Variants in CFAP36 observed in about 807,000 individuals in gnomAD.
The protein encoded by CFAP36 is cilia- and flagella-associated protein 36.
Under a neutral mutation model 50.5 loss-of-function variants are expected in CFAP36, and 37 were observed. The ratio of observed to expected loss-of-function variants is 0.73; its 90% CI spans 0.56 to 0.96. The LOEUF (loss-of-function observed/expected upper bound fraction) is 0.96, where lower values mean the gene tolerates loss of function less well. CFAP36 is among the 50% of genes least tolerant of loss of function. The pLI is 0.00. For missense variants in CFAP36, 407 were observed against 396.2 expected (o/e 1.03, Z -0.23); for synonymous variants, 138 against 128.2 (o/e 1.08, Z -0.52).
Position 55,533,877 on chromosome 2 carries a change from A to G in CFAP36, c.402A>G (p.Val134=), listed in dbSNP as rs1298071607. ...AIRIIQERNG[V]LPDCLTDGSD... ...GTGGTCTTTGGTTTTGAACAGGTGT[A>G]TTACCTGACTGCTTAACCGATGGCT... The change falls in exon 5 of 10, where the codon GTA becomes GTG. Residue 134 remains valine (V), a synonymous_variant. Transcript: ENST00000349456. 3 of 1,605,914 alleles carry G rather than the reference A, an allele frequency of 1.9e-6. No homozygotes were observed. The highest frequency in any genetic ancestry group is 1.1e-5 in the South Asian group (1 of 89,892).
intron 4 of CFAP36, among the ~76,000 whole-genome samples, chr2:55,531,585 T>C (rs1254934967): frequency 1.3e-5 from 2 of 152,232 alleles, no homozygotes. Flanking sequence ...TACTCTGCCA[T>C]TCTCAGAATC....
chr2:55,540,022 AT>A (rs1684592398), intron 7 of CFAP36, among the ~76,000 whole-genome samples: 1 of 152,134 alleles, frequency 6.6e-6, no homozygotes, highest in African/African-American at 2.4e-5. Context: ...TTCTTTGTAT[AT>A]TTTGAATAAC....
At chr2:55,521,201 CTTTT>C (rs11315249) in intron 1 of CFAP36, among the ~76,000 whole-genome samples, 3 of 134,166 alleles carry the variant, frequency 2.2e-5, no homozygotes, top group Non-Finnish European at 3.2e-5. Flanking sequence ...ATTTGTACTC[CTTTT>C]TTTTTTTTTT....
chr2:55,531,474 A>G (rs1684348111), intron 4 of CFAP36, among the ~76,000 whole-genome samples: 1 of 152,218 alleles, frequency 6.6e-6, no homozygotes, highest in Admixed American at 6.5e-5. Context: ...ATCTCCCAGA[A>G]CAAGAAGTCC....
At chr2:55,520,519 G>A in intron 1 of CFAP36, 1 of 1,484,412 alleles carries the variant, frequency 6.7e-7, no homozygotes, top group Non-Finnish European at 9.1e-7. Context: ...AATTGGCGAG[G>A]TGGGGCAGGA....
At chr2:55,523,912 A>T in intron 3 of CFAP36, 90 bp downstream of exon 3, 2 of 797,276 alleles carry the variant, frequency 2.5e-6, no homozygotes, top group Non-Finnish European at 3.9e-6. Context: ...TGATTGACAA[A>T]GTGTAATATT....
In CFAP36 at chr2:55,535,717, C is replaced by A; in HGVS notation, c.491C>A (p.Ser164Ter). ...MKILREVLRK[S>*]KEEYDQEEER... ...CTTATTTTTGTATATTTCAGAAAAT[C>A]AAAAGAGGAATATGACCAGGAAGAA... The change falls in exon 6 of 10, where the codon TCA (serine) becomes TAA (stop). Residue 164 changes from serine (S) to a stop codon, truncating the protein, a stop_gained. Transcript: ENST00000349456. LOFTEE classifies it high-confidence loss of function. The A allele has an allele frequency of 6.5e-7, 1 of 1,531,270 alleles. No homozygotes were observed. The highest frequency in any genetic ancestry group is 2.4e-5 in the East Asian group (1 of 40,916). 94.9% of individuals were successfully genotyped at this position (1,531,270 alleles called of 1,614,324 possible). A position where few individuals can be genotyped will look rare whatever the true frequency, so the allele number is the denominator to read the frequency against.
At chr2:55,544,406 T>C (rs369833243) in intron 9 of CFAP36, 37 bp downstream of exon 9, 13 of 1,571,740 alleles carry the variant, frequency 8.3e-6, no homozygotes, top group Non-Finnish European at 1.0e-5. Flanking sequence ...TTTACAAATC[T>C]GGTGGTGGAA....
At chr2:55,535,248 A>G (rs1158798331) in intron 5 of CFAP36, among the ~76,000 whole-genome samples, 1 of 152,224 alleles carries the variant, frequency 6.6e-6, no homozygotes, top group Non-Finnish European at 1.5e-5. Flanking sequence ...AGTTTACAAA[A>G]GTTGATGGGC....
In CFAP36 at chr2:55,536,382, C is replaced by T. The variant is rs532224945; in HGVS notation, c.537+619C>T. On this transcript the variant is annotated intron_variant, in intron 6 of 9. Coordinates refer to ENST00000349456, the MANE Select transcript of CFAP36 (RefSeq NM_080667.7). ...TCCTGACCTCGTGATCTGCCCGCCTCGGCCTCCCAAAGTGCTGGGATTACA... is the reference window on the plus strand; with the variant it reads ...TCCTGACCTCGTGATCTGCCCGCCTTGGCCTCCCAAAGTGCTGGGATTACA... 4.6e-5 allele frequency among the ~76,000 whole-genome samples: 7 copies of T among 152,106 alleles called. 1 individual carries two copies. The South Asian group carries it at 6.2e-4, about 14-fold the overall frequency.
rs1394411480 is a variant in CFAP36, at chr2:55,543,951, T to C, written c.654T>C (p.His218=). 6.2e-7 allele frequency: 1 copy of C among 1,612,046 alleles called. No individual in the cohort carries two copies. Among genetic ancestry groups the C allele is most frequent in the Non-Finnish European group, 8.5e-7 (1 of 1,179,210 alleles). Residue 218 remains histidine, a synonymous_variant, in exon 8 of 10, where the codon CAT becomes CAC. Transcript: ENST00000349456. The part of the protein sequence containing the change: ...FAHPPSEVKM[H]FANQSIEPLG... ...ACTTATTGCCAGAAGTTAAAATGCA[T>C]TTTGCTAATCAGTCAATAGAACCTT...
At chr2:55,535,228 C>G (rs1301262225) in intron 5 of CFAP36, among the ~76,000 whole-genome samples, 1 of 152,214 alleles carries the variant, frequency 6.6e-6, no homozygotes, top group Non-Finnish European at 1.5e-5. Context: ...AAAGCACTGT[C>G]TCAGTGAACA....
chr2:55,532,008 T>C (rs1684363514), intron 4 of CFAP36, among the ~76,000 whole-genome samples: 2 of 152,206 alleles, frequency 1.3e-5, no homozygotes, highest in South Asian at 4.1e-4. Context: ...TAGTTTCTGC[T>C]ACAGAATTTC....
At chr2:55,520,364 C>T in intron 1 of CFAP36, 1 of 1,492,216 alleles carries the variant, frequency 6.7e-7, no homozygotes, top group Non-Finnish European at 9.0e-7. Flanking sequence ...CCGGTGTAGT[C>T]AGCTTAGGAA....
At chr2:55,532,120 C>T (rs1354636470) in intron 4 of CFAP36, among the ~76,000 whole-genome samples, 1 of 151,772 alleles carries the variant, frequency 6.6e-6, no homozygotes, top group Non-Finnish European at 1.5e-5. Context: ...TAAGCCCAGC[C>T]TCAGACTTCT....
chr2:55,525,864 C>T (rs1482063594), intron 3 of CFAP36, among the ~76,000 whole-genome samples: 2 of 152,098 alleles, frequency 1.3e-5, no homozygotes, highest in Admixed American at 6.5e-5. Flanking sequence ...TGACCTCAGG[C>T]GATCCACCCG....
chr2:55,526,835 C>T (rs1423083056), intron 3 of CFAP36, among the ~76,000 whole-genome samples: 1 of 152,060 alleles, frequency 6.6e-6, no homozygotes, highest in East Asian at 2.0e-4. Context: ...CAGCCTAGGC[C>T]ACAATGCAAG....
chr2:55,522,527 C>G (rs1684098518), intron 2 of CFAP36, among the ~76,000 whole-genome samples: 2 of 152,158 alleles, frequency 1.3e-5, no homozygotes. Flanking sequence ...CTCTGTCACC[C>G]AGGCTGGAGT....
chr2:55,544,158 G>T (rs1684713213), intron 8 of CFAP36, 62 bp from the exon 9 acceptor site: 1 of 1,607,972 alleles, frequency 6.2e-7, no homozygotes, highest in African/African-American at 1.3e-5. Flanking sequence ...CACTCAGTGG[G>T]CATCTGTGCT....
Sources: gnomAD v4.1 joint callset for allele counts (sites outside exome capture counted in the v4.1 genomes callset) on GRCh38, gnomAD v4.1.1 for gene constraint, MANE v1.5 for transcripts, NCBI Gene and HGNC (gene_info 2026-07-23, HGNC 2026-07-21) for gene names.